Variants in PATJ observed in about 807,000 individuals in gnomAD.
PATJ encodes the protein inaD-like protein.
In PATJ, 190 loss-of-function variants were observed where a neutral mutation model predicts 224.9. That is an observed-to-expected ratio of 0.84 (90% CI 0.75 to 0.95). PATJ has a LOEUF of 0.95. Among genes scored for constraint, PATJ ranks in the 40% least tolerant of loss-of-function variants. The pLI is 0.00. For missense variants in PATJ, 2,121 were observed against 2,270.3 expected (o/e 0.93, Z 1.34); for synonymous variants, 769 against 820.3 (o/e 0.94, Z 1.07).
chr1:61,862,065 G>A lies in PATJ; in HGVS notation c.2439+398G>A, dbSNP rs146173597. ...TTTGGTAGAGATGAGGTTTTATCAC[G>A]TTGCCCAGGCTGGTCTTGAACCCCT... On this transcript the variant is annotated intron_variant, in intron 19 of 43. Coordinates refer to ENST00000642238, the MANE Select transcript of PATJ (RefSeq NM_001350145.3). 2.1e-3 allele frequency among the ~76,000 whole-genome samples: 322 copies of A among 152,116 alleles called. 2 individuals are homozygous for A. The highest frequency in any genetic ancestry group is 7.2e-3 in the African/African-American group (297 of 41,488).
rs374175697 is a variant in PATJ at position 61,997,982 on chromosome 1, T to TTTTATATATATATATATA, written c.3867+7619_3867+7620insTTATATATATATATATAT. Among the ~76,000 whole-genome samples the TTTTATATATATATATATA allele has an allele frequency of 7.0e-3, 823 of 118,190 alleles. 41 individuals carry two copies. The highest frequency in any genetic ancestry group is 0.028 in the African/African-American group (715 of 25,374). The allele number at this position is 118,190 out of a possible 152,430, so 77.5% of individuals were successfully genotyped here. A position where few individuals can be genotyped will look rare whatever the true frequency, so the allele number is the denominator to read the frequency against. On this transcript the variant is annotated intron_variant, in intron 28 of 43. Coordinates refer to ENST00000642238, the MANE Select transcript of PATJ (RefSeq NM_001350145.3). ...ATAGGTGCATGCCACTGTGCCCAGCTTATATATGTATATATAATATATTAT... is the reference window on the plus strand; with the variant it reads ...ATAGGTGCATGCCACTGTGCCCAGCTTTTATATATATATATATATATATATGTATATATAATATATTAT...
chr1:61,889,956 T>C (rs1487022808), intron 22 of PATJ, among the ~76,000 whole-genome samples: 2 of 152,202 alleles, frequency 1.3e-5, no homozygotes, highest in Admixed American at 6.5e-5. Flanking sequence ...CTCGCCTGGT[T>C]TCAGTCTTTT....
At chr1:61,799,701 C>T (rs1011501332) in intron 11 of PATJ, among the ~76,000 whole-genome samples, 2 of 152,054 alleles carry the variant, frequency 1.3e-5, no homozygotes, top group African/African-American at 4.8e-5. Context: ...AACCCTCACC[C>T]CCGCTCCACC....
intron 17 of PATJ, among the ~76,000 whole-genome samples, chr1:61,848,654 G>A (rs901759603): frequency 5.3e-5 from 8 of 152,006 alleles, no homozygotes; most frequent in South Asian, 2.1e-4. Context: ...GGACTCAAGC[G>A]ATCCTACCCC....
intron 34 of PATJ, 65 bp downstream of exon 34, chr1:62,108,585 A>G: frequency 2.1e-6 from 2 of 933,076 alleles, no homozygotes; most frequent in Non-Finnish European, 3.3e-6. Context: ...TCGATCCATA[A>G]AGTTGTCTTT....
At chr1:61,921,958 A>G (rs1674399802) in intron 26 of PATJ, among the ~76,000 whole-genome samples, 1 of 152,198 alleles carries the variant, frequency 6.6e-6, no homozygotes, top group African/African-American at 2.4e-5. Context: ...GTTAAAGACA[A>G]AAAAAATTCC....
At chr1:61,821,031 A>G (rs1657151317) in intron 14 of PATJ, among the ~76,000 whole-genome samples, 1 of 151,508 alleles carries the variant, frequency 6.6e-6, no homozygotes, top group Admixed American at 6.6e-5. Context: ...AGGGAACGGG[A>G]GGAAAAACTA....
intron 22 of PATJ, among the ~76,000 whole-genome samples, chr1:61,895,642 G>T (rs1464432398): frequency 1.4e-5 from 2 of 142,136 alleles, no homozygotes; most frequent in Non-Finnish European, 1.5e-5. Context: ...AAAATGTCTG[G>T]ATGTCCAGGC....
At chr1:61,893,628 C>A (rs1669919923) in intron 22 of PATJ, among the ~76,000 whole-genome samples, 4 of 151,322 alleles carry the variant, frequency 2.6e-5, no homozygotes, top group Admixed American at 2.6e-4. Context: ...TAATGAGACC[C>A]CGTATCTACA....
At chr1:62,007,860 A>G (rs1347485017) in intron 28 of PATJ, among the ~76,000 whole-genome samples, 2 of 152,216 alleles carry the variant, frequency 1.3e-5, no homozygotes, top group African/African-American at 4.8e-5. Flanking sequence ...GTTACTTCCC[A>G]AAGGCCCCAC....
intron 16 of PATJ, among the ~76,000 whole-genome samples, chr1:61,830,742 C>T (rs889480941): frequency 4.6e-5 from 7 of 152,174 alleles, no homozygotes; most frequent in African/African-American, 1.7e-4. Context: ...CTACAAGCAT[C>T]TGTTGTTTAA....
intron 17 of PATJ, among the ~76,000 whole-genome samples, chr1:61,840,224 T>C (rs1037589755): frequency 6.6e-6 from 1 of 152,088 alleles, no homozygotes; most frequent in African/African-American, 2.4e-5. Context: ...AGGACGGGAT[T>C]GTATACATTT....
At chr1:61,772,375 G>A (rs999571991) in intron 6 of PATJ, among the ~76,000 whole-genome samples, 1 of 151,966 alleles carries the variant, frequency 6.6e-6, no homozygotes, top group Admixed American at 6.6e-5. Context: ...ATTATAGCAG[G>A]CTTTTTTTCA....
intron 28 of PATJ, 33 bp downstream of exon 28, chr1:61,990,397 G>T (rs1644996278): frequency 6.5e-7 from 1 of 1,537,276 alleles, no homozygotes; most frequent in South Asian, 1.2e-5. Flanking sequence ...TTATCTTTTG[G>T]TGAAGTGGAT....
At chr1:62,020,151 C>T (rs1040328199) in intron 29 of PATJ, among the ~76,000 whole-genome samples, 12 of 151,730 alleles carry the variant, frequency 7.9e-5, no homozygotes, top group South Asian at 6.2e-4. Context: ...GCTTGGGCGA[C>T]AGCAAGACCT....
chr1:61,988,329 A>C (rs1380244180), intron 27 of PATJ, among the ~76,000 whole-genome samples: 2 of 152,220 alleles, frequency 1.3e-5, no homozygotes, highest in Admixed American at 6.5e-5. Flanking sequence ...TGGGAATTTC[A>C]AAAATAATTG....
chr1:61,886,011 A>G (rs1571114014), intron 22 of PATJ, among the ~76,000 whole-genome samples: 1 of 137,852 alleles, frequency 7.3e-6, no homozygotes. Context: ...GGAACATCAC[A>G]CTCTGGGGAC....
intron 35 of PATJ, among the ~76,000 whole-genome samples, chr1:62,115,124 A>C (rs1047341112): frequency 6.6e-6 from 1 of 152,036 alleles, no homozygotes; most frequent in Non-Finnish European, 1.5e-5. Context: ...CCTGACCAAT[A>C]TGGTGAAACC....
intron 21 of PATJ, among the ~76,000 whole-genome samples, chr1:61,875,946 TATTGA>T (rs1234367168): frequency 6.6e-6 from 1 of 152,170 alleles, no homozygotes; most frequent in Non-Finnish European, 1.5e-5. Context: ...AACACTAAAA[TATTGA>T]ATGTCATTAT....
Sources: gnomAD v4.1 joint callset for allele counts (sites outside exome capture counted in the v4.1 genomes callset) on GRCh38, gnomAD v4.1.1 for gene constraint, MANE v1.5 for transcripts, NCBI Gene and HGNC (gene_info 2026-07-23, HGNC 2026-07-21) for gene names.